Variants in TMEM255B observed in about 807,000 individuals in gnomAD.
The protein encoded by TMEM255B is family with sequence similarity 70, member B.
Under a neutral mutation model 34.5 loss-of-function variants are expected in TMEM255B, and 35 were observed. The ratio of observed to expected loss-of-function variants is 1.01; its 90% CI spans 0.77 to 1.34. The LOEUF (loss-of-function observed/expected upper bound fraction) is 1.34, where lower values mean the gene tolerates loss of function less well. TMEM255B is among the 40% of genes most tolerant of loss of function. The probability of loss-of-function intolerance (pLI) is 0.00; values close to 1 mark genes in which losing one functional copy is unlikely to be tolerated. For synonymous variants in TMEM255B, 206 were observed against 201.2 expected (o/e 1.02, Z -0.20); for missense variants, 432 against 433.2 (o/e 1.00, Z 0.02).
At chr13:113,803,571 G>A (rs1211748245) in intron 7 of TMEM255B, among the ~76,000 whole-genome samples, 1 of 122,644 alleles carries the variant, frequency 8.2e-6, no homozygotes, top group East Asian at 2.0e-4. Flanking sequence ...CACTCGCCCC[G>A]GCCCCATCCT....
chr13:113,768,183 C>A, intron 2 of TMEM255B: 1 of 470,312 alleles, frequency 2.1e-6, no homozygotes, highest in Non-Finnish European at 4.4e-6. Flanking sequence ...CGGCCCGGCG[C>A]ACCTGCGTGG....
intron 5 of TMEM255B, 169 bp downstream of exon 5, chr13:113,799,588 C>A: frequency 1.5e-6 from 1 of 651,998 alleles, no homozygotes; most frequent in Admixed American, 2.6e-5. Context: ...GGGACCTTGA[C>A]ATTTCGATGT....
chr13:113,786,554 A>ACC (rs2050747225), intron 3 of TMEM255B, among the ~76,000 whole-genome samples: 1 of 151,496 alleles, frequency 6.6e-6, no homozygotes, highest in Admixed American at 6.6e-5. Flanking sequence ...CACCATCGTC[A>ACC]ACATCATCAC....
chr13:113,812,796 CAGGT>C lies in TMEM255B; in HGVS notation c.*894_*897del, dbSNP rs1566341039. ...CACAGGCCCCGGGTGGGTCACAGGA[CAGGT>C]CTCAGGTGGGTCACAGGTCCTGAGT... On this transcript the variant is annotated 3_prime_UTR_variant, in exon 9 of 9. Transcript: ENST00000375353. 2.9e-4 allele frequency: 41 copies of C among 141,108 alleles called. No individual in the cohort carries two copies. The highest frequency in any genetic ancestry group is 1.0e-3 in the African/African-American group (38 of 36,710). The allele number at this position is 141,108 out of a possible 1,614,324, so 8.7% of individuals were successfully genotyped here. A position where few individuals can be genotyped will look rare whatever the true frequency, so the allele number is the denominator to read the frequency against.
In TMEM255B at chr13:113,816,285, T is replaced by TC. The variant is rs1555303864; in HGVS notation, c.*4382_*4383insC. On this transcript the variant is annotated 3_prime_UTR_variant, in exon 9 of 9. Coordinates refer to ENST00000375353, the MANE Select transcript of TMEM255B (RefSeq NM_182614.4). ...AAGTGTGTTCTAAGCGTGTTCTGGA[T>TC]GGGGAGAGGTGCAGTCACTGGTCAG... 2 of 87,906 alleles carry TC rather than the reference T, an allele frequency of 2.3e-5. No homozygotes were observed. The highest frequency in any genetic ancestry group is 4.4e-5 in the Non-Finnish European group (2 of 45,022). The allele number at this position is 87,906 out of a possible 1,614,324, so 5.4% of individuals were successfully genotyped here.
Position 113,806,782 on chromosome 13 carries a change from C to T in TMEM255B, c.813+1754C>T, listed in dbSNP as rs189991179. ...GCTTCTCTCTGGCCTCCTGGTCTCCCGTGGGAAGTTTGCCAAGCCCAGAAC... is the reference window on the plus strand; with the variant it reads ...GCTTCTCTCTGGCCTCCTGGTCTCCTGTGGGAAGTTTGCCAAGCCCAGAAC... On this transcript the variant is annotated intron_variant, in intron 8 of 8. Transcript: ENST00000375353. The surrounding 1 kb of genome is among the most constrained non-coding windows in gnomAD (Gnocchi z 4.2). Among the ~76,000 whole-genome samples the T allele has an allele frequency of 7.7e-4, 117 of 151,676 alleles. No homozygotes were observed. Among genetic ancestry groups the T allele is most frequent in the Admixed American group, 2.5e-3 (38 of 15,234 alleles).
At position 113,794,594 on chromosome 13, in the gene TMEM255B, C is replaced by T. The variant is rs573888816; in HGVS notation, c.253-554C>T. Among the ~76,000 whole-genome samples, 15 of 152,172 alleles carry T rather than the reference C, an allele frequency of 9.9e-5. No homozygotes were observed. The South Asian group carries it at 3.1e-3, about 32-fold the overall frequency. On this transcript the variant is annotated intron_variant, in intron 3 of 8. Transcript: ENST00000375353. ...GGTCCACGGGGATGGAGACTCCCTG[C>T]TAGTTTTTAGGGTTAGGGCAGGACA...
rs138563910 is a variant in TMEM255B, at chr13:113,801,770, G to A, written c.627G>A (p.Leu209=). The part of the protein sequence containing the change: ...SAVLNVLGLF[L]GIITAAVLGA... ...TTCTGAACGTCCTGGGCCTGTTCCT[G>A]GGCATCATCACCGCCGCCGTCCTGG... Residue 209 remains leucine, a synonymous_variant, in exon 7 of 9, where the codon CTG becomes CTA. Coordinates refer to ENST00000375353, the MANE Select transcript of TMEM255B (RefSeq NM_182614.4). The A allele has an allele frequency of 4.1e-4, 659 of 1,612,602 alleles. 1 individual carries two copies. Among genetic ancestry groups the A allele is most frequent in the Non-Finnish European group, 4.8e-4 (571 of 1,179,402 alleles).
chr13:113,807,330 C>G (rs111762974), intron 8 of TMEM255B, among the ~76,000 whole-genome samples: 12,488 of 140,964 alleles, frequency 0.089, 565 homozygotes, highest in Admixed American at 0.14. Context: ...CGCAGGCTTA[C>G]GGGATGTGGG....
intron 3 of TMEM255B, among the ~76,000 whole-genome samples, chr13:113,792,108 A>G (rs761759415): frequency 8.5e-5 from 13 of 152,236 alleles, no homozygotes; most frequent in African/African-American, 2.9e-4. Flanking sequence ...GGAAACCTCA[A>G]ATGTTGCCCT....
chr13:113,769,072 C>A lies in TMEM255B; in HGVS notation c.190-26C>A. The A allele has an allele frequency of 6.2e-7, 1 of 1,613,470 alleles. No homozygotes were observed. The highest frequency in any genetic ancestry group is 8.5e-7 in the Non-Finnish European group (1 of 1,179,430). ...CTTCTAGGCACGTTAATGAGTGTTT[C>A]TCTCTCGTTCTTCCTTTGGTTTTAG... On this transcript the variant is annotated intron_variant, in intron 2 of 8. Transcript: ENST00000375353. This position sits in a 1 kb window ranked among gnomAD's most constrained non-coding sequence, Gnocchi z 4.2.
intron 3 of TMEM255B, among the ~76,000 whole-genome samples, chr13:113,783,405 C>G (rs1330333435): frequency 6.6e-6 from 1 of 152,172 alleles, no homozygotes; most frequent in African/African-American, 2.4e-5. Flanking sequence ...GCGTCGGCCT[C>G]AGCTGAATGC....
At chr13:113,799,822 G>GTGAGATGCGGGGAGTAA in intron 5 of TMEM255B, 1 of 632,484 alleles carries the variant, frequency 1.6e-6, no homozygotes, top group South Asian at 1.5e-5. Flanking sequence ...TTCCAGGTGA[G>GTGAGATGCGGGGAGTAA]TGAGATGCGG....
At chr13:113,766,655 GC>G (rs1377103229) in intron 2 of TMEM255B, among the ~76,000 whole-genome samples, 1 of 152,214 alleles carries the variant, frequency 6.6e-6, no homozygotes, top group African/African-American at 2.4e-5. Flanking sequence ...GCCTCCCCAA[GC>G]ATCCTGGAAG....
At chr13:113,805,116 G>A (rs935479671) in intron 8 of TMEM255B, 88 bp downstream of exon 8, 369 of 1,364,734 alleles carry the variant, frequency 2.7e-4, no homozygotes, top group Middle Eastern at 4.2e-4. Context: ...AGGGGATGAG[G>A]TCTTGCAGCC....
At position 113,812,178 on chromosome 13, in the gene TMEM255B, A is replaced by G. The variant is rs1306660175; in HGVS notation, c.*275A>G. 5 of 506,504 alleles carry G rather than the reference A, an allele frequency of 9.9e-6. No individual in the cohort carries two copies. The highest frequency in any genetic ancestry group is 8.1e-5 in the African/African-American group (4 of 49,302). 31.4% of individuals were successfully genotyped at this position (506,504 alleles called of 1,614,324 possible). ...CACCCGGCCTCCTCCTCTGAGAGCA[A>G]TTGTTCTGGTGTTTTCACATCCCTT... On this transcript the variant is annotated 3_prime_UTR_variant, in exon 9 of 9. Transcript: ENST00000375353.
chr13:113,777,689 C>G (rs2050601888), intron 3 of TMEM255B, among the ~76,000 whole-genome samples: 1 of 152,206 alleles, frequency 6.6e-6, no homozygotes, highest in Non-Finnish European at 1.5e-5. Context: ...TCCCCAGGGT[C>G]CCCGCACCAG....
rs1267972819 is a variant in TMEM255B, at chr13:113,768,124, G to A, written c.190-974G>A. The A allele has an allele frequency of 3.5e-5, 16 of 453,736 alleles. 1 individual carries two copies. The highest frequency in any genetic ancestry group is 2.3e-4 in the South Asian group (15 of 63,850). The allele number at this position is 453,736 out of a possible 1,614,324, so 28.1% of individuals were successfully genotyped here. On this transcript the variant is annotated intron_variant, in intron 2 of 8. Coordinates refer to ENST00000375353, the MANE Select transcript of TMEM255B (RefSeq NM_182614.4). ...CCACGGCCCCAGCAACTCCAAGGCT[G>A]TGCCGGGCGGGCCACCCCTTCCAAC...
chr13:113,761,309 G>A, intron 1 of TMEM255B: 1 of 985,254 alleles, frequency 1.0e-6, no homozygotes, highest in Non-Finnish European at 1.2e-6. Context: ...GGTCTGAGGG[G>A]CAGGAAGAAC....
Sources: gnomAD v4.1 joint callset for allele counts (sites outside exome capture counted in the v4.1 genomes callset) on GRCh38, gnomAD v4.1.1 for gene constraint, Gnocchi (gnomAD v3.1) non-coding constraint, MANE v1.5 for transcripts, NCBI Gene and HGNC (gene_info 2026-07-23, HGNC 2026-07-21) for gene names.